Variants in ATP8A2 observed in about 807,000 individuals in gnomAD.
ATP8A2 encodes phospholipid-transporting ATPase IB.
ATP8A2 carries 100 observed loss-of-function variants against 165.6 expected under a neutral mutation model. The ratio of observed to expected loss-of-function variants is 0.60; its 90% CI spans 0.51 to 0.71. ATP8A2 has a LOEUF of 0.71. ATP8A2 is among the 30% of genes least tolerant of loss of function. The pLI is 0.00. For missense variants in ATP8A2, 1,227 were observed against 1,479.5 expected (o/e 0.83, Z 2.80); for synonymous variants, 543 against 548.8 (o/e 0.99, Z 0.15).
chr13:25,631,763 C>T (rs4770850), intron 24 of ATP8A2, among the ~76,000 whole-genome samples: 145,353 of 152,270 alleles, frequency 0.95, 69,483 homozygotes, highest in Non-Finnish European at 0.98. Context: ...AGGCATGATG[C>T]CCTCCACTTC....
chr13:25,932,833 T>A (rs1398545886), intron 33 of ATP8A2, among the ~76,000 whole-genome samples: 4 of 152,208 alleles, frequency 2.6e-5, no homozygotes, highest in Non-Finnish European at 4.4e-5. Flanking sequence ...AGTGCATTGT[T>A]GTGAGCTGTG....
At chr13:26,006,740 G>A (rs1344729798) in intron 35 of ATP8A2, among the ~76,000 whole-genome samples, 1 of 151,778 alleles carries the variant, frequency 6.6e-6, no homozygotes, top group East Asian at 1.9e-4. Flanking sequence ...ACTGAATTTT[G>A]TCAGGTGCTT....
rs188684388 is a variant in ATP8A2, at chr13:25,989,452, A to G, written c.3377+20773A>G. 6.4e-3 allele frequency among the ~76,000 whole-genome samples: 970 copies of G among 152,354 alleles called. 5 individuals carry two copies. Among genetic ancestry groups the G allele is most frequent in the Middle Eastern group, 0.027 (8 of 294 alleles). On this transcript the variant is annotated intron_variant, in intron 35 of 36. Transcript: ENST00000381655. Reference sequence around the variant, plus strand: ...TTCATACAAGGATAAGTTCACATTCAAATAATTAGTTGATTAAAAAATATT... The same window carrying G: ...TTCATACAAGGATAAGTTCACATTCGAATAATTAGTTGATTAAAAAATATT...
At chr13:25,680,876 A>C (rs925713420) in intron 24 of ATP8A2, among the ~76,000 whole-genome samples, 16 of 152,156 alleles carry the variant, frequency 1.1e-4, no homozygotes, top group Admixed American at 8.5e-4. Context: ...TTTCTTTTAG[A>C]GATATTGTAA....
intron 30 of ATP8A2, among the ~76,000 whole-genome samples, chr13:25,858,921 G>C (rs975915118): frequency 5.3e-5 from 8 of 152,130 alleles, no homozygotes; most frequent in Admixed American, 5.2e-4. Flanking sequence ...TACCCATTGG[G>C]ATGCCAGGCA....
At position 25,969,317 on chromosome 13, in the gene ATP8A2, T is replaced by A. The variant is rs1451805235; in HGVS notation, c.3377+638T>A. 2.0e-5 allele frequency among the ~76,000 whole-genome samples: 3 copies of A among 152,202 alleles called. No individual in the cohort carries two copies. The East Asian group carries it at 5.8e-4, about 29-fold the overall frequency. ...TTCATCACACAAGATGTTAAAATGT[T>A]GTTAGAGTGCACTCTGTTAAAATCT... On this transcript the variant is annotated intron_variant, in intron 35 of 36. Coordinates refer to ENST00000381655, the MANE Select transcript of ATP8A2 (RefSeq NM_016529.6).
chr13:25,965,747 C>G (rs1955761791), intron 34 of ATP8A2, among the ~76,000 whole-genome samples: 1 of 152,148 alleles, frequency 6.6e-6, no homozygotes, highest in South Asian at 2.1e-4. Context: ...TTGCTTTTAT[C>G]TAGCTGTATC....
intron 25 of ATP8A2, among the ~76,000 whole-genome samples, chr13:25,704,337 C>CTTTTTTTT (rs67458818): frequency 0.034 from 4,660 of 137,126 alleles, 110 homozygotes; most frequent in Middle Eastern, 0.07. Flanking sequence ...ACATCTAGGA[C>CTTTTTTTT]TTTTTTTTTT....
rs35540339 is a variant in ATP8A2 at position 25,699,239 on chromosome 13, G to A, written c.2278G>A (p.Val760Met). Residue 760 changes from valine (V) to methionine (M), a missense_variant, in exon 25 of 37, where the codon GTG becomes ATG. By Grantham distance (21) the Val-to-Met change is conservative. Around this residue, in one of 5 missense-constraint regions of ATP8A2, gnomAD observed 592 missense variants for 785.6 expected, o/e 0.75. Transcript: ENST00000381655. ...GAATTTGCTGGGCAAGGAAAATGAC[G>A]TGGCCCTGATCATCGATGGCCACAC... ...LGNLLGKEND[V>M]ALIIDGHTLK... 0.01 allele frequency: 16,248 copies of A among 1,613,540 alleles called. 132 individuals are homozygous for A. The highest frequency in any genetic ancestry group is 0.011 in the Non-Finnish European group (13,238 of 1,179,672).
At chr13:25,877,624 C>T (rs1478106324) in intron 33 of ATP8A2, among the ~76,000 whole-genome samples, 1 of 152,188 alleles carries the variant, frequency 6.6e-6, no homozygotes, top group African/African-American at 2.4e-5. Context: ...GTAGTAGTTA[C>T]TTAAGGGTGT....
chr13:25,568,899 A>G (rs2039391955), intron 16 of ATP8A2, among the ~76,000 whole-genome samples: 1 of 152,208 alleles, frequency 6.6e-6, no homozygotes, highest in Non-Finnish European at 1.5e-5. Context: ...TATAGAATGC[A>G]ATAGGAAGAA....
At chr13:25,494,839 T>C (rs1352939157) in intron 2 of ATP8A2, among the ~76,000 whole-genome samples, 5 of 152,154 alleles carry the variant, frequency 3.3e-5, no homozygotes. Context: ...TTCACAGTGA[T>C]GTCAGCAAAA....
intron 27 of ATP8A2, among the ~76,000 whole-genome samples, chr13:25,816,110 G>A (rs1282686024): frequency 6.6e-6 from 1 of 152,136 alleles, no homozygotes; most frequent in Non-Finnish European, 1.5e-5. Context: ...ACACATCAAG[G>A]TAAATGTTTT....
chr13:25,933,343 C>T (rs1315418878), intron 33 of ATP8A2, among the ~76,000 whole-genome samples: 2 of 152,220 alleles, frequency 1.3e-5, no homozygotes, highest in African/African-American at 2.4e-5. Flanking sequence ...GTTCTGAGCA[C>T]AGGATCTCTA....
chr13:25,430,969 T>A (rs1390256634), intron 1 of ATP8A2, among the ~76,000 whole-genome samples: 1 of 152,030 alleles, frequency 6.6e-6, no homozygotes, highest in African/African-American at 2.4e-5. Flanking sequence ...TTGTCACTCC[T>A]TGTTTAAGTG....
chr13:25,376,934 G>T (rs749012311), intron 1 of ATP8A2, among the ~76,000 whole-genome samples: 19 of 152,104 alleles, frequency 1.2e-4, no homozygotes, highest in Non-Finnish European at 2.4e-4. Context: ...TCCTGTAGTG[G>T]CTCTGAAGGT....
chr13:25,887,951 A>G (rs1191504432), intron 33 of ATP8A2, among the ~76,000 whole-genome samples: 1 of 152,146 alleles, frequency 6.6e-6, no homozygotes, highest in South Asian at 2.1e-4. Context: ...TAATCTAGAA[A>G]TTCATTTCAA....
In ATP8A2 at chr13:25,468,704, T is replaced by C. The variant is rs1312844751; in HGVS notation, c.77-273T>C. The C allele has an allele frequency of 2.0e-5, 8 of 408,344 alleles. No homozygotes were observed. The East Asian group carries it at 1.3e-3, about 66-fold the overall frequency. The allele number at this position is 408,344 out of a possible 1,614,324, so 25.3% of individuals were successfully genotyped here. A position where few individuals can be genotyped will look rare whatever the true frequency, so the allele number is the denominator to read the frequency against. On this transcript the variant is annotated intron_variant, in intron 1 of 36. Transcript: ENST00000381655. ...CCCTGCAGGGAGGGAGCGCAGGAGC[T>C]GGGGGCGGCTCTCCCGGGGCGGGGC...
At chr13:25,944,245 G>T (rs1002594811) in intron 33 of ATP8A2, among the ~76,000 whole-genome samples, 1 of 152,212 alleles carries the variant, frequency 6.6e-6, no homozygotes, top group East Asian at 1.9e-4. Context: ...GGTGGCTCAC[G>T]CCCATAATCC....
Sources: allele counts gnomAD v4.1 joint callset (sites outside exome capture counted in the v4.1 genomes callset), GRCh38; gene constraint gnomAD v4.1.1; regional missense constraint gnomAD v4.1.1; transcripts MANE v1.5; gene names NCBI Gene and HGNC (gene_info 2026-07-23, HGNC 2026-07-21).